The following ADAMTS19 variants were observed in gnomAD, a reference collection of about 807,000 sequenced individuals.
ADAMTS19 encodes the protein ADAM metallopeptidase with thrombospondin type 1 motif 19.
ADAMTS19 carries 93 observed loss-of-function variants against 153.3 expected under a neutral mutation model. That is an observed-to-expected ratio of 0.61 (90% CI 0.51 to 0.72). The LOEUF (loss-of-function observed/expected upper bound fraction) is 0.72. Ranked by LOEUF, ADAMTS19 falls within the 30% of genes least tolerant of loss-of-function variation. The pLI is 0.00. For missense variants in ADAMTS19, 1,482 were observed against 1,552.1 expected (o/e 0.95, Z 0.76); for synonymous variants, 600 against 556.6 (o/e 1.08, Z -1.10).
chr5:129,522,814 G>A (rs1751870244), intron 3 of ADAMTS19, among the ~76,000 whole-genome samples: 1 of 152,088 alleles, frequency 6.6e-6, no homozygotes. Context: ...CTAGCACTTT[G>A]GGAGGCCAAG....
intron 3 of ADAMTS19, among the ~76,000 whole-genome samples, chr5:129,512,241 C>A (rs1424824747): frequency 1.3e-5 from 2 of 152,070 alleles, no homozygotes; most frequent in African/African-American, 2.4e-5. Flanking sequence ...TATCTCCATT[C>A]TTCGAGCTGA....
chr5:129,687,049 T>C (rs1755127365), intron 18 of ADAMTS19, among the ~76,000 whole-genome samples: 1 of 152,112 alleles, frequency 6.6e-6, no homozygotes, highest in South Asian at 2.1e-4. Flanking sequence ...TGCCAGGGGC[T>C]CATCTTTCTT....
intron 2 of ADAMTS19, among the ~76,000 whole-genome samples, chr5:129,472,092 T>TG (rs1380295133): frequency 6.6e-6 from 1 of 152,214 alleles, no homozygotes; most frequent in Non-Finnish European, 1.5e-5. Flanking sequence ...GTGGGTTGAA[T>TG]GGGGTATTTC....
chr5:129,648,200 G>A (rs1247158728), intron 12 of ADAMTS19, among the ~76,000 whole-genome samples: 2 of 152,172 alleles, frequency 1.3e-5, no homozygotes, highest in African/African-American at 4.8e-5. Context: ...CAGGAACTGG[G>A]AGAAGAGCAG....
intron 7 of ADAMTS19, among the ~76,000 whole-genome samples, chr5:129,568,707 A>T (rs1361379561): frequency 2.0e-5 from 3 of 152,074 alleles, no homozygotes; most frequent in Non-Finnish European, 4.4e-5. Context: ...TGGTAATCTC[A>T]ACTACTCAGC....
chr5:129,588,175 C>T (rs10463858), intron 7 of ADAMTS19, among the ~76,000 whole-genome samples: 127,095 of 152,064 alleles, frequency 0.84, 53,360 homozygotes, highest in Non-Finnish European at 0.88. Flanking sequence ...CACTGTAGTT[C>T]CTCTTCTTTG....
At chr5:129,678,371 C>G (rs1011876042) in intron 16 of ADAMTS19, among the ~76,000 whole-genome samples, 4 of 152,120 alleles carry the variant, frequency 2.6e-5, no homozygotes, top group African/African-American at 9.7e-5. Context: ...TCTTTCAACT[C>G]TGCCACGCAA....
At chr5:129,526,768 G>A (rs921289700) in intron 4 of ADAMTS19, among the ~76,000 whole-genome samples, 3 of 151,110 alleles carry the variant, frequency 2.0e-5, no homozygotes, top group Admixed American at 6.6e-5. Flanking sequence ...TTTTATGTAT[G>A]TATTTATGTC....
rs571924813 is a variant in ADAMTS19, at chr5:129,675,799, G to C, written c.2507-3965G>C. 5.9e-4 allele frequency among the ~76,000 whole-genome samples: 90 copies of C among 152,136 alleles called. 1 individual carries two copies. The Middle Eastern group carries it at 0.014, about 23-fold the overall frequency. On this transcript the variant is annotated intron_variant, in intron 16 of 22. Transcript: ENST00000274487. The stretch of plus-strand genomic sequence containing the variant: ...CCTGTAATCCCAGCCCTTTGGGAGG[G>C]CAAGGCAGGCAGATCACTTGAGGTC...
chr5:129,722,488 G>A lies in ADAMTS19; in HGVS notation c.3313-12444G>A, dbSNP rs566063346. On this transcript the variant is annotated intron_variant, in intron 21 of 22. Coordinates refer to ENST00000274487, the MANE Select transcript of ADAMTS19 (RefSeq NM_133638.6). ...TTGTTTAAATTCCTTGTAAATTCTG[G>A]ATATTAGACCTTTGTTAGATAGGTA... 6.0e-5 allele frequency among the ~76,000 whole-genome samples: 9 copies of A among 149,552 alleles called. No individual in the cohort carries two copies. The South Asian group carries it at 1.9e-3, about 31-fold the overall frequency.
At chr5:129,607,999 T>A (rs530449574) in intron 8 of ADAMTS19, among the ~76,000 whole-genome samples, 66 of 148,212 alleles carry the variant, frequency 4.5e-4, no homozygotes, top group African/African-American at 1.6e-3. Context: ...CAATTCTATA[T>A]ATATAATGGA....
Position 129,461,633 on chromosome 5 carries a change from G to T in ADAMTS19, c.623G>T (p.Gly208Val). Residue 208 changes from glycine (G) to valine (V), a missense_variant, in exon 2 of 23, where the codon GGC becomes GTC. By Grantham distance (109) the Gly-to-Val change is moderately radical. Around this residue, in one of 2 missense-constraint regions of ADAMTS19, gnomAD observed 866 missense variants for 827.7 expected, o/e 1.05. Transcript: ENST00000274487. The surrounding 1 kb of genome is among the most constrained non-coding windows in gnomAD (Gnocchi z 4.6). ...GAACAGCGGCCAAATCCCGGCCCCG[G>T]CCCCACGGGGGCAGCATCCGCCCCG... The part of the protein sequence containing the change: ...AVEQRPNPGP[G>V]PTGAASAPQP... 6.3e-7 allele frequency: 1 copy of T among 1,594,228 alleles called. No individual in the cohort carries two copies.
At chr5:129,688,910 G>A (rs1184430649) in intron 18 of ADAMTS19, among the ~76,000 whole-genome samples, 1 of 152,176 alleles carries the variant, frequency 6.6e-6, no homozygotes, top group Non-Finnish European at 1.5e-5. Flanking sequence ...TCTCAGAAGT[G>A]TGGATCAGTT....
intron 7 of ADAMTS19, among the ~76,000 whole-genome samples, chr5:129,568,260 AT>A (rs1459422052): frequency 6.6e-6 from 1 of 152,150 alleles, no homozygotes; most frequent in African/African-American, 2.4e-5. Context: ...ACCCCAGAAT[AT>A]TTTAAATAGC....
At chr5:129,585,088 T>C (rs989572413) in intron 7 of ADAMTS19, among the ~76,000 whole-genome samples, 1 of 151,992 alleles carries the variant, frequency 6.6e-6, no homozygotes, top group African/African-American at 2.4e-5. Context: ...AGCGTAGCAT[T>C]TGGGGCCGGA....
intron 6 of ADAMTS19, among the ~76,000 whole-genome samples, chr5:129,530,584 G>GA (rs2126773056): frequency 6.6e-6 from 1 of 152,222 alleles, no homozygotes; most frequent in African/African-American, 2.4e-5. Flanking sequence ...CTAATGTATT[G>GA]AAAGAAAGTA....
At chr5:129,687,142 G>A (rs1473665205) in intron 18 of ADAMTS19, among the ~76,000 whole-genome samples, 2 of 151,974 alleles carry the variant, frequency 1.3e-5, no homozygotes, top group African/African-American at 4.8e-5. Flanking sequence ...CAAAAATATA[G>A]TTATATTTTT....
chr5:129,534,081 G>C (rs1040164312), intron 6 of ADAMTS19, among the ~76,000 whole-genome samples: 1 of 152,058 alleles, frequency 6.6e-6, no homozygotes, highest in Non-Finnish European at 1.5e-5. Context: ...GTTGACTTGG[G>C]GTGGAGAGTT....
chr5:129,506,633 ATATAATT>A (rs1205225878), intron 2 of ADAMTS19, among the ~76,000 whole-genome samples: 1 of 152,002 alleles, frequency 6.6e-6, no homozygotes, highest in Non-Finnish European at 1.5e-5. Flanking sequence ...CAAAACAACA[ATATAATT>A]TATTTCAGAC....
Sources: gnomAD v4.1 joint callset for allele counts (sites outside exome capture counted in the v4.1 genomes callset) on GRCh38, gnomAD v4.1.1 for gene constraint, gnomAD v4.1.1 regional missense constraint, Gnocchi (gnomAD v3.1) non-coding constraint, MANE v1.5 for transcripts, NCBI Gene and HGNC (gene_info 2026-07-23, HGNC 2026-07-21) for gene names.